The following FHIP2A variants were observed in gnomAD, a reference collection of about 807,000 sequenced individuals.
FHIP2A encodes family with sequence similarity 160 member B1.
A neutral mutation model predicts 93.5 loss-of-function variants in FHIP2A; 46 were observed. That is an observed-to-expected ratio of 0.49 (90% CI 0.39 to 0.63). The LOEUF is 0.63. Among genes scored for constraint, FHIP2A ranks in the 20% least tolerant of loss-of-function variants. The pLI, the probability that FHIP2A is intolerant of heterozygous loss-of-function variation, is 0.00. For synonymous variants in FHIP2A, 332 were observed against 326.5 expected (o/e 1.02, Z -0.18); for missense variants, 769 against 909.7 (o/e 0.85, Z 1.99).
intron 16 of FHIP2A, among the ~76,000 whole-genome samples, chr10:114,875,188 AGAAGGACTGCTGTGCTGCG>A (rs1374859937): frequency 4.5e-4 from 68 of 152,298 alleles, no homozygotes; most frequent in African/African-American, 1.2e-3. Flanking sequence ...GCTGTGCTGC[AGAAGGACTGCTGTGCTGCG>A]GAAGGACTGC....
At chr10:114,830,964 G>T (rs758005311) in intron 2 of FHIP2A, 34 bp downstream of exon 2, 2 of 1,337,258 alleles carry the variant, frequency 1.5e-6, no homozygotes, top group Non-Finnish European at 2.1e-6. Flanking sequence ...CTGAAAATTT[G>T]TGAAAGTTAA....
chr10:114,850,636 G>A (rs1195796211), intron 13 of FHIP2A, among the ~76,000 whole-genome samples: 2 of 152,102 alleles, frequency 1.3e-5, no homozygotes, highest in African/African-American at 4.8e-5. Flanking sequence ...GAAGTTTAAG[G>A]CTACAGTGAG....
rs1319949757 is a variant in FHIP2A, at chr10:114,862,737, A to T, written c.*1197A>T. 1.0e-6 allele frequency: 1 copy of T among 985,378 alleles called. No homozygotes were observed. The highest frequency in any genetic ancestry group is 1.7e-5 in the African/African-American group (1 of 57,236). The allele number at this position is 985,378 out of a possible 1,614,324, so 61.0% of individuals were successfully genotyped here. The stretch of plus-strand genomic sequence containing the variant: ...CCACTTTCTATTTTTCCTTTAAGTG[A>T]TGCTGATCACTCAAATAATGCTTTT... On this transcript the variant is annotated 3_prime_UTR_variant, in exon 17 of 17. Coordinates refer to ENST00000369248, the MANE Select transcript of FHIP2A (RefSeq NM_020940.4).
At chr10:114,861,414 T>C (rs2083798585) in intron 16 of FHIP2A, 21 bp from the exon 17 acceptor site, 2 of 1,613,846 alleles carry the variant, frequency 1.2e-6, no homozygotes, top group Non-Finnish European at 1.7e-6. Flanking sequence ...ATTGATTTAT[T>C]GTCTGTTTTT....
exon 17 of FHIP2A, chr10:114,899,583 C>CA (rs1357799491): frequency 2.8e-6 from 2 of 714,384 alleles, no homozygotes; most frequent in African/African-American, 1.8e-5. Flanking sequence ...ATGGTTTCCA[C>CA]AAAAAATCTT....
rs898031203 is a variant in FHIP2A at position 114,864,526 on chromosome 10, T to A, written c.*2986T>A. The stretch of plus-strand genomic sequence containing the variant: ...TTGGTAAATTTTTTTGTATTGAAAG[T>A]TGTGTAGGTTACTGACAGTGTTACC... On this transcript the variant is annotated 3_prime_UTR_variant, in exon 17 of 17. Coordinates refer to ENST00000369248, the MANE Select transcript of FHIP2A (RefSeq NM_020940.4). 1.2e-5 allele frequency: 12 copies of A among 985,838 alleles called. No individual in the cohort carries two copies. The highest frequency in any genetic ancestry group is 1.2e-5 in the Non-Finnish European group (10 of 829,926). 61.1% of individuals were successfully genotyped at this position (985,838 alleles called of 1,614,324 possible). A position where few individuals can be genotyped will look rare whatever the true frequency, so the allele number is the denominator to read the frequency against.
At chr10:114,822,698 G>A (rs1005512337) in intron 1 of FHIP2A, among the ~76,000 whole-genome samples, 11 of 152,212 alleles carry the variant, frequency 7.2e-5, no homozygotes, top group Admixed American at 1.3e-4. Flanking sequence ...TTGCTTTCTT[G>A]GGCCTGGAGG....
Position 114,861,664 on chromosome 10 carries a change from A to G in FHIP2A, c.*124A>G. 1 of 1,451,314 alleles carries G rather than the reference A, an allele frequency of 6.9e-7. No individual in the cohort carries two copies. The highest frequency in any genetic ancestry group is 9.0e-7 in the Non-Finnish European group (1 of 1,109,394). The allele number at this position is 1,451,314 out of a possible 1,614,324, so 89.9% of individuals were successfully genotyped here. ...TAAACGCAGTATTGCTGTAAACTGG[A>G]CAGAACCATTAAGAACCTATTGAGT... On this transcript the variant is annotated 3_prime_UTR_variant, in exon 17 of 17. Coordinates refer to ENST00000369248, the MANE Select transcript of FHIP2A (RefSeq NM_020940.4).
At chr10:114,895,566 TG>T (rs2083997113) in intron 16 of FHIP2A, among the ~76,000 whole-genome samples, 1 of 152,218 alleles carries the variant, frequency 6.6e-6, no homozygotes, top group Admixed American at 6.5e-5. Context: ...GTTTACGTAG[TG>T]CCTTCATGGA....
intron 16 of FHIP2A, among the ~76,000 whole-genome samples, chr10:114,891,770 C>A (rs534493668): frequency 2.0e-5 from 3 of 152,002 alleles, no homozygotes; most frequent in African/African-American, 4.8e-5. Context: ...GCATGCACCA[C>A]CATGCCGGGC....
intron 13 of FHIP2A, among the ~76,000 whole-genome samples, chr10:114,852,170 G>A (rs1368539392): frequency 6.7e-6 from 1 of 148,616 alleles, no homozygotes; most frequent in African/African-American, 2.5e-5. Flanking sequence ...GGTGTCAGGT[G>A]TCATTTTTAC....
intron 16 of FHIP2A, among the ~76,000 whole-genome samples, chr10:114,881,318 G>A (rs1260834538): frequency 1.3e-5 from 2 of 152,174 alleles, no homozygotes; most frequent in Non-Finnish European, 2.9e-5. Flanking sequence ...TCAAGAGTAA[G>A]GGAGATAAAC....
intron 2 of FHIP2A, among the ~76,000 whole-genome samples, chr10:114,831,401 C>G (rs531516861): frequency 9.5e-4 from 144 of 152,224 alleles, no homozygotes; most frequent in Non-Finnish European, 1.8e-3. Context: ...TGCTAGATAT[C>G]TGGGGGAAGG....
rs200992394 is a variant in FHIP2A at position 114,843,889 on chromosome 10, A to G, written c.965A>G (p.Gln322Arg). Residue 322 changes from glutamine to arginine, a missense_variant, in exon 7 of 17, where the codon CAG becomes CGG. By Grantham distance (43) the Gln-to-Arg change is conservative (BLOSUM62 1). Transcript: ENST00000369248. The part of the protein sequence containing the change: ...RLASLYKALP[Q>R]SVDPLDIETV... The stretch of plus-strand genomic sequence containing the variant: ...GCCTCCCTGTACAAGGCCCTACCTC[A>G]GTCAGTGGATCCGTTAGATATTGAA... The G allele has an allele frequency of 6.4e-5, 102 of 1,598,952 alleles. No individual in the cohort carries two copies. The highest frequency in any genetic ancestry group is 4.1e-5 in the African/African-American group (3 of 74,054).
intron 16 of FHIP2A, among the ~76,000 whole-genome samples, chr10:114,873,466 C>T (rs1191611519): frequency 1.3e-5 from 2 of 152,152 alleles, no homozygotes; most frequent in Non-Finnish European, 2.9e-5. Flanking sequence ...CATTTCCATA[C>T]TGTATTCTCG....
intron 1 of FHIP2A, among the ~76,000 whole-genome samples, chr10:114,828,771 G>A (rs964604203): frequency 6.6e-6 from 1 of 151,878 alleles, no homozygotes; most frequent in African/African-American, 2.4e-5. Flanking sequence ...TACTCCCAAA[G>A]ATTTTAACTC....
At chr10:114,835,715 C>T in intron 4 of FHIP2A, 74 bp downstream of exon 4, 2 of 959,074 alleles carry the variant, frequency 2.1e-6, no homozygotes, top group Non-Finnish European at 3.0e-6. Flanking sequence ...TATTATTTTT[C>T]TGAGAGTAAA....
rs1362338904 is a variant in FHIP2A at position 114,861,239 on chromosome 10, A to G, written c.2097A>G (p.Gly699=). ...SLFSVIVRVV[G]DLMLRIQRIQ... Reference sequence around the variant, plus strand: ...TTGCCTCTGTGATGCAGGTTGTTGGAGACCTTATGCTTCGAATCCAGCGTA... The same window carrying G: ...TTGCCTCTGTGATGCAGGTTGTTGGGGACCTTATGCTTCGAATCCAGCGTA... The change falls in exon 16 of 17, where the codon GGA becomes GGG. Residue 699 remains glycine, a synonymous_variant. Transcript: ENST00000369248. 3.1e-6 allele frequency: 5 copies of G among 1,614,118 alleles called. No homozygotes were observed. Among genetic ancestry groups the G allele is most frequent in the Non-Finnish European group, 3.4e-6 (4 of 1,180,014 alleles).
intron 1 of FHIP2A, among the ~76,000 whole-genome samples, chr10:114,824,518 G>T (rs2083562296): frequency 2.0e-5 from 3 of 152,110 alleles, no homozygotes; most frequent in Admixed American, 2.0e-4. Flanking sequence ...GTTTTCATTT[G>T]TGGCACCACC....
Sources: gnomAD v4.1 joint callset for allele counts (sites outside exome capture counted in the v4.1 genomes callset) on GRCh38, gnomAD v4.1.1 for gene constraint, MANE v1.5 for transcripts, NCBI Gene and HGNC (gene_info 2026-07-23, HGNC 2026-07-21) for gene names.